MYEF2: variants seen among roughly 807,000 people sequenced by gnomAD.
MYEF2 encodes the protein myelin gene expression factor 2.
MYEF2 carries 37 observed loss-of-function variants against 75.2 expected under a neutral mutation model. The ratio of observed to expected loss-of-function variants is 0.49; its 90% CI spans 0.38 to 0.65. MYEF2 has a LOEUF of 0.65. Among genes scored for constraint, MYEF2 ranks in the 30% least tolerant of loss-of-function variants. The pLI is 0.00. For missense variants in MYEF2, 634 were observed against 771.4 expected, an observed-to-expected ratio of 0.82 and a Z score of 2.11; for synonymous variants, 195 against 241.6, an observed-to-expected ratio of 0.81 and a Z score of 1.79.
At chr15:48,153,630 G>C in intron 10 of MYEF2, 162 bp downstream of exon 10, 1 of 605,906 alleles carries the variant, frequency 1.7e-6, no homozygotes, top group Non-Finnish European at 2.9e-6. Flanking sequence ...TTTCATGTTA[G>C]CTGTGCTCAA....
chr15:48,159,703 T>C lies in MYEF2; in HGVS notation c.627A>G (p.Pro209=), dbSNP rs752883834. ...TGTTTGGATTATTGAGTATGGAAGG[T>C]GGTAAATTCATCAACCCTGATCCCA... ...PDMGSGLMNL[P]PSILNNPNIP... Residue 209 remains proline (P), a synonymous_variant, in exon 6 of 17, where the codon CCA becomes CCG. Coordinates refer to ENST00000324324, the MANE Select transcript of MYEF2 (RefSeq NM_016132.5). The C allele has an allele frequency of 6.2e-7, 1 of 1,613,520 alleles. No homozygotes were observed. Among genetic ancestry groups the C allele is most frequent in the Non-Finnish European group, 8.5e-7 (1 of 1,179,744 alleles).
chr15:48,153,237 T>A (rs2039563243), intron 10 of MYEF2: 1 of 152,150 alleles, frequency 6.6e-6, no homozygotes, highest in African/African-American at 2.4e-5. Flanking sequence ...TTTTAATATG[T>A]AATTTTTTTA....
At chr15:48,163,956 G>T (rs1223929521) in intron 5 of MYEF2, among the ~76,000 whole-genome samples, 1 of 152,132 alleles carries the variant, frequency 6.6e-6, no homozygotes, top group Non-Finnish European at 1.5e-5. Flanking sequence ...ACCCAAGAGT[G>T]CTAAAGAAGA....
At position 48,152,438 on chromosome 15, in the gene MYEF2, A is replaced by G. The variant is rs1485562347; in HGVS notation, c.1088-154T>C. 6.7e-6 allele frequency: 4 copies of G among 598,576 alleles called. No individual in the cohort carries two copies. The African/African-American group carries it at 7.7e-5, about 12-fold the overall frequency. 37.1% of individuals were successfully genotyped at this position (598,576 alleles called of 1,614,324 possible). Reference sequence around the variant, plus strand: ...TACAGGAGGCATGGTTTAAAGTGCTATGCCATAGCAGCTGTCTAATCATGA... The same window carrying G: ...TACAGGAGGCATGGTTTAAAGTGCTGTGCCATAGCAGCTGTCTAATCATGA... On this transcript the variant is annotated intron_variant, in intron 10 of 16. Transcript: ENST00000324324.
In MYEF2 at chr15:48,142,558, G is replaced by T; in HGVS notation, c.*350C>A. On this transcript the variant is annotated 3_prime_UTR_variant, in exon 17 of 17. Transcript: ENST00000324324. ...ACATATTATAAAACAGAAGTTTGGG[G>T]GGAAAAAATCTATGTTTTACCATAC... is the stretch of plus-strand genomic sequence containing the variant. 2.1e-6 allele frequency: 1 copy of T among 476,868 alleles called. No individual in the cohort carries two copies. The highest frequency in any genetic ancestry group is 3.6e-6 in the Non-Finnish European group (1 of 279,766). 29.5% of individuals were successfully genotyped at this position (476,868 alleles called of 1,614,324 possible).
rs140809726 is a variant in MYEF2 at position 48,170,110 on chromosome 15, G to GT, written c.162-1272dup. ...ACAAACAATAGGGTTTTTTGTGGGG[G>GT]TTTTTGTTGCTGTTGTTGTTGTTGT... On this transcript the variant is annotated intron_variant, in intron 1 of 16. Transcript: ENST00000324324. Among the ~76,000 whole-genome samples the GT allele has an allele frequency of 2.2e-3, 337 of 151,964 alleles. 6 individuals are homozygous for GT. In the East Asian group the frequency reaches 0.054, roughly 24 times the overall value.
chr15:48,151,713 C>T lies in MYEF2; in HGVS notation c.1208-142G>A. On this transcript the variant is annotated intron_variant, in intron 12 of 16. Coordinates refer to ENST00000324324, the MANE Select transcript of MYEF2 (RefSeq NM_016132.5). ...TCATTTACCCAATTTACCTCACATG[C>T]CACACATATCATCCCCATTCCCCAG... The T allele has an allele frequency of 4.4e-6, 5 of 1,127,596 alleles. No homozygotes were observed. The Admixed American group carries it at 7.9e-5, about 18-fold the overall frequency. The allele number at this position is 1,127,596 out of a possible 1,614,324, so 69.8% of individuals were successfully genotyped here. A position where few individuals can be genotyped will look rare whatever the true frequency, so the allele number is the denominator to read the frequency against.
Position 48,178,156 on chromosome 15 carries a change from C to T in MYEF2, c.82G>A (p.Glu28Lys). 3.2e-6 allele frequency: 5 copies of T among 1,561,402 alleles called. No homozygotes were observed. The highest frequency in any genetic ancestry group is 3.5e-6 in the Non-Finnish European group (4 of 1,154,518). Residue 28 changes from glutamate to lysine, a missense_variant, in exon 1 of 17, where the codon GAG (glutamate) becomes AAG (lysine). Coordinates refer to ENST00000324324, the MANE Select transcript of MYEF2 (RefSeq NM_016132.5). ...GCGGGGTGCGGCTCTCGCCGCGGCT[C>T]GCCCGGCGGCTCTGCGGGCTGCAGG... ...PHLQPAEPPGEPRREPHPAEA... is the reference protein window; with the variant it reads ...PHLQPAEPPGKPRREPHPAEA...
Position 48,151,189 on chromosome 15 carries a change from G to A in MYEF2, c.1307-18C>T. The stretch of plus-strand genomic sequence containing the variant: ...TGCACTGCCTAAACAAGGATGGAAA[G>A]ATAATATACTAATTAATTTTAAATA... On this transcript the variant is annotated intron_variant, in intron 13 of 16. Coordinates refer to ENST00000324324, the MANE Select transcript of MYEF2 (RefSeq NM_016132.5). 6.3e-7 allele frequency: 1 copy of A among 1,576,588 alleles called. No individual in the cohort carries two copies.
chr15:48,158,099 A>T, intron 8 of MYEF2, 43 bp from the exon 9 acceptor site: 1 of 1,610,714 alleles, frequency 6.2e-7, no homozygotes, highest in Non-Finnish European at 8.5e-7. Flanking sequence ...ATATTACCAC[A>T]AAGAACTGTA....
chr15:48,158,126 A>G (rs370477674), intron 8 of MYEF2, 49 bp downstream of exon 8: 26 of 1,611,474 alleles, frequency 1.6e-5, no homozygotes, highest in Middle Eastern at 1.7e-4. Context: ...AAGAGAGCCA[A>G]TAAAAGATCT....
Position 48,141,875 on chromosome 15 carries a change from TAA to T in MYEF2, c.*1031_*1032del, listed in dbSNP as rs762446535. On this transcript the variant is annotated 3_prime_UTR_variant, in exon 17 of 17. Coordinates refer to ENST00000324324, the MANE Select transcript of MYEF2 (RefSeq NM_016132.5). ...TTTAAATACTAACCCAAGAAAAATT[TAA>T]AAATACAAATTCAGTAAGACTTTTG... 16 of 499,272 alleles carry T rather than the reference TAA, an allele frequency of 3.2e-5. No homozygotes were observed. The highest frequency in any genetic ancestry group is 5.1e-5 in the Non-Finnish European group (15 of 291,778). The allele number at this position is 499,272 out of a possible 1,614,324, so 30.9% of individuals were successfully genotyped here. A position where few individuals can be genotyped will look rare whatever the true frequency, so the allele number is the denominator to read the frequency against.
Position 48,139,040 on chromosome 15 carries a change from A to T in MYEF2, c.*3868T>A. The T allele has an allele frequency of 6.2e-7, 1 of 1,613,112 alleles. No homozygotes were observed. The highest frequency in any genetic ancestry group is 8.5e-7 in the Non-Finnish European group (1 of 1,179,288). ...TTTTTGGGTATTATCCCTTCCTATT[A>T]TTACATTACTTTTTCTAACCACACC... On this transcript the variant is annotated 3_prime_UTR_variant, in exon 17 of 17. Transcript: ENST00000324324.
chr15:48,165,782 A>G (rs1167345698), intron 5 of MYEF2, 151 bp downstream of exon 5: 1 of 524,814 alleles, frequency 1.9e-6, no homozygotes, highest in Non-Finnish European at 3.4e-6. Flanking sequence ...AATCATGTAC[A>G]AGTAAAACTT....
chr15:48,177,465 T>G (rs772986251), intron 1 of MYEF2, among the ~76,000 whole-genome samples: 4 of 152,092 alleles, frequency 2.6e-5, no homozygotes, highest in Non-Finnish European at 5.9e-5. Flanking sequence ...CATCGCACAT[T>G]TCCCTTTTTA....
chr15:48,137,307 G>T lies in MYEF2; in HGVS notation c.*5601C>A. The stretch of plus-strand genomic sequence containing the variant: ...CTGGACAGGAAAGACTTTAACTAAT[G>T]ACATATGTTATGACCAATAAGTAGC... On this transcript the variant is annotated 3_prime_UTR_variant, in exon 17 of 17. Transcript: ENST00000324324. 4.5e-6 allele frequency: 1 copy of T among 223,088 alleles called. No homozygotes were observed. Among genetic ancestry groups the T allele is most frequent in the Non-Finnish European group, 8.8e-6 (1 of 113,420 alleles). 13.8% of individuals were successfully genotyped at this position (223,088 alleles called of 1,614,324 possible).
Position 48,141,863 on chromosome 15 carries a change from C to A in MYEF2, c.*1045G>T. 2 of 457,974 alleles carry A rather than the reference C, an allele frequency of 4.4e-6. No homozygotes were observed. The highest frequency in any genetic ancestry group is 5.8e-5 in the South Asian group (1 of 17,334). The allele number at this position is 457,974 out of a possible 1,614,324, so 28.4% of individuals were successfully genotyped here. On this transcript the variant is annotated 3_prime_UTR_variant, in exon 17 of 17. Transcript: ENST00000324324. ...AAATGTTAAGACTTTAAATACTAAC[C>A]CAAGAAAAATTTAAAAATACAAATT...
At chr15:48,143,110 A>G (rs761270794) in intron 16 of MYEF2, 39 bp from the exon 17 acceptor site, 4 of 1,400,602 alleles carry the variant, frequency 2.9e-6, no homozygotes, top group Non-Finnish European at 2.8e-6. Context: ...GTCAGTTTAA[A>G]TAAGTTCTAT....
intron 7 of MYEF2, 74 bp from the exon 8 acceptor site, chr15:48,158,298 A>G (rs2039783891): frequency 7.3e-6 from 10 of 1,378,568 alleles, no homozygotes; most frequent in Non-Finnish European, 1.0e-5. Context: ...ATTTTTAATA[A>G]TCTTAGAGTC....
Sources: gnomAD v4.1 joint callset for allele counts (sites outside exome capture counted in the v4.1 genomes callset) on GRCh38, gnomAD v4.1.1 for gene constraint, MANE v1.5 for transcripts, NCBI Gene and HGNC (gene_info 2026-07-23, HGNC 2026-07-21) for gene names.